The following ZNF892 variants were observed in gnomAD, a reference collection of about 807,000 sequenced individuals.
ZNF892 encodes zinc finger protein 570-like.
At chr2:95,244,890 C>A in the ZNF892 span, among the ~76,000 whole-genome samples, 1 of 152,176 alleles carries the variant, frequency 6.6e-6, no homozygotes, top group African/African-American at 2.4e-5. Context: ...GAAATTCACT[C>A]AAAACCACAC....
chr2:95,209,457 GA>G, the ZNF892 span, among the ~76,000 whole-genome samples: 1 of 152,116 alleles, frequency 6.6e-6, no homozygotes, highest in Non-Finnish European at 1.5e-5. Context: ...CCAGCAAGAT[GA>G]AACATGCCAT....
At chr2:95,206,841 G>A in the ZNF892 span, among the ~76,000 whole-genome samples, 4 of 152,196 alleles carry the variant, frequency 2.6e-5, no homozygotes, top group Admixed American at 2.6e-4. Context: ...AGTTTGTCCG[G>A]CTTTCCCAGC....
the ZNF892 span, among the ~76,000 whole-genome samples, chr2:95,255,430 T>C: frequency 6.6e-6 from 1 of 152,250 alleles, no homozygotes; most frequent in African/African-American, 2.4e-5. Context: ...TTGATTGCAC[T>C]GTGGTCTGAG....
the ZNF892 span, chr2:95,211,491 A>C: frequency 2.5e-6 from 1 of 394,542 alleles, no homozygotes; most frequent in Admixed American, 4.4e-5. Flanking sequence ...AAGGGTGGCC[A>C]AGGCCATGTT....
chr2:95,232,631 T>TA, the ZNF892 span, among the ~76,000 whole-genome samples: 1 of 152,228 alleles, frequency 6.6e-6, no homozygotes, highest in Non-Finnish European at 1.5e-5. Context: ...AGCTTCCACT[T>TA]ACAGCCTATC....
the ZNF892 span, among the ~76,000 whole-genome samples, chr2:95,262,497 C>T: frequency 6.6e-6 from 1 of 152,158 alleles, no homozygotes; most frequent in Non-Finnish European, 1.5e-5. Flanking sequence ...CTGGGGATGA[C>T]CTCTGGGAAG....
the ZNF892 span, among the ~76,000 whole-genome samples, chr2:95,233,784 GT>G: frequency 6.8e-6 from 1 of 146,590 alleles, no homozygotes; most frequent in Non-Finnish European, 1.5e-5. Flanking sequence ...ACAGGCATGA[GT>G]CACCACGCCT....
chr2:95,219,778 G>A, the ZNF892 span, among the ~76,000 whole-genome samples: 9 of 152,180 alleles, frequency 5.9e-5, no homozygotes, highest in African/African-American at 2.2e-4. Context: ...TTAAGTTGGT[G>A]TTGGAAGTCC....
the ZNF892 span, chr2:95,214,855 A>G: frequency 9.9e-6 from 5 of 505,280 alleles, no homozygotes; most frequent in Non-Finnish European, 1.1e-5. Context: ...CATACTGGGG[A>G]GAAACCCTAT....
At chr2:95,207,267 A>G in the ZNF892 span, among the ~76,000 whole-genome samples, 2 of 152,204 alleles carry the variant, frequency 1.3e-5, no homozygotes, top group Non-Finnish European at 1.5e-5. Context: ...CCCTCACAGT[A>G]GCGGAGATGC....
chr2:95,250,089 A>G, the ZNF892 span, among the ~76,000 whole-genome samples: 1 of 152,144 alleles, frequency 6.6e-6, no homozygotes, highest in South Asian at 2.1e-4. Flanking sequence ...AAATCAGGCA[A>G]TATTTTAAAA....
At chr2:95,215,033 T>C in the ZNF892 span, 79 of 514,304 alleles carry the variant, frequency 1.5e-4, no homozygotes, top group Middle Eastern at 6.2e-4. Context: ...AGAAACCTTA[T>C]GAGTGTAATG....
chr2:95,255,776 A>T, the ZNF892 span, among the ~76,000 whole-genome samples: 1 of 152,204 alleles, frequency 6.6e-6, no homozygotes, highest in African/African-American at 2.4e-5. Flanking sequence ...TATTGGGTGC[A>T]TATATATTTA....
the ZNF892 span, chr2:95,214,259 CATTA>C: frequency 5.0e-6 from 2 of 397,436 alleles, no homozygotes; most frequent in Middle Eastern, 6.3e-4. Flanking sequence ...AAACATGTTT[CATTA>C]ATTTCCTACC....
the ZNF892 span, chr2:95,207,786 C>T: frequency 2.5e-6 from 1 of 398,660 alleles, no homozygotes; most frequent in Non-Finnish European, 4.4e-6. Flanking sequence ...TCGCGGTTGC[C>T]TCCAGCGCGG....
the ZNF892 span, among the ~76,000 whole-genome samples, chr2:95,246,026 A>G: frequency 6.6e-6 from 1 of 152,224 alleles, no homozygotes. Context: ...TGAGGCCAGC[A>G]TTGTCCTGAT....
the ZNF892 span, among the ~76,000 whole-genome samples, chr2:95,212,962 T>C: frequency 2.6e-5 from 4 of 152,256 alleles, no homozygotes; most frequent in Admixed American, 6.5e-5. Flanking sequence ...AAAGATGTTA[T>C]GGATTTGACC....
At chr2:95,211,497 A>T in the ZNF892 span, 1 of 394,184 alleles carries the variant, frequency 2.5e-6, no homozygotes, top group Non-Finnish European at 4.5e-6. Context: ...GGCCAAGGCC[A>T]TGTTGTCTGT....
At chr2:95,248,740 C>A in the ZNF892 span, among the ~76,000 whole-genome samples, 2 of 151,950 alleles carry the variant, frequency 1.3e-5, no homozygotes, top group African/African-American at 4.8e-5. Flanking sequence ...TAATCCTAGC[C>A]AGCTTTGACC....
Sources: gnomAD v4.1 joint callset for allele counts (sites outside exome capture counted in the v4.1 genomes callset) on GRCh38, gnomAD v4.1.1 for gene constraint, MANE v1.5 for transcripts, NCBI Gene and HGNC (gene_info 2026-07-23, HGNC 2026-07-21) for gene names.